CENPP: variants seen among roughly 807,000 people sequenced by gnomAD.
CENPP encodes centromere protein P.
In CENPP, 24 loss-of-function variants were observed where a neutral mutation model predicts 35.6. That is an observed-to-expected ratio of 0.67 (90% CI 0.49 to 0.95). CENPP has a LOEUF of 0.95. CENPP is among the 40% of genes least tolerant of loss of function. The pLI is 0.00. For synonymous variants in CENPP, 120 were observed against 125.5 expected (o/e 0.96, Z 0.29); for missense variants, 332 against 345.3 (o/e 0.96, Z 0.31).
At chr9:92,588,330 G>C (rs1332147219) in intron 5 of CENPP, among the ~76,000 whole-genome samples, 1 of 151,504 alleles carries the variant, frequency 6.6e-6, no homozygotes, top group Admixed American at 6.6e-5. Flanking sequence ...CTCACTGCAA[G>C]CTCTGTCTCC....
intron 5 of CENPP, among the ~76,000 whole-genome samples, chr9:92,430,425 CTCTT>C (rs1588125027): frequency 6.7e-6 from 1 of 150,258 alleles, no homozygotes; most frequent in South Asian, 2.1e-4. Context: ...TCTCTTCTCT[CTCTT>C]TTTTTTTTTT....
chr9:92,420,354 A>T lies in CENPP; in HGVS notation c.564+40495A>T, dbSNP rs377137170. Among the ~76,000 whole-genome samples the T allele has an allele frequency of 1.2e-4, 18 of 152,284 alleles. No individual in the cohort carries two copies. In the East Asian group the frequency reaches 1.9e-3, roughly 16 times the overall value. The stretch of plus-strand genomic sequence containing the variant: ...TTGATCACTATCGTTGCTCTTTTGC[A>T]CATGCCCTAAACTTTCTGGCTCCTT... On this transcript the variant is annotated intron_variant, in intron 5 of 7. Transcript: ENST00000375587.
chr9:92,420,895 G>T (rs1843772071), intron 5 of CENPP, among the ~76,000 whole-genome samples: 1 of 152,078 alleles, frequency 6.6e-6, no homozygotes, highest in Non-Finnish European at 1.5e-5. Flanking sequence ...GAGTGTTGAG[G>T]TTCTCATAGA....
intron 5 of CENPP, among the ~76,000 whole-genome samples, chr9:92,485,066 C>A (rs890791597): frequency 3.3e-5 from 5 of 152,190 alleles, no homozygotes; most frequent in African/African-American, 1.2e-4. Flanking sequence ...CATCTTGGGG[C>A]TGTGACATGG....
At chr9:92,354,130 A>G (rs1841532352) in intron 4 of CENPP, among the ~76,000 whole-genome samples, 1 of 152,186 alleles carries the variant, frequency 6.6e-6, no homozygotes, top group Non-Finnish European at 1.5e-5. Flanking sequence ...GTGATGGTGG[A>G]TAAGGCATTC....
intron 4 of CENPP, among the ~76,000 whole-genome samples, chr9:92,375,188 T>C (rs755982360): frequency 2.6e-5 from 4 of 152,242 alleles, no homozygotes; most frequent in Non-Finnish European, 5.9e-5. Context: ...GTTAGTACTT[T>C]TTTGGGTGTC....
chr9:92,555,294 C>T (rs1031353950), intron 5 of CENPP, among the ~76,000 whole-genome samples: 1 of 126,688 alleles, frequency 7.9e-6, no homozygotes, highest in Admixed American at 1.1e-4. Flanking sequence ...ATGGCGTGAT[C>T]TCAGCTCACC....
chr9:92,522,839 A>AAAAAC, intron 5 of CENPP: 1 of 1,608,472 alleles, frequency 6.2e-7, no homozygotes, highest in Non-Finnish European at 8.5e-7. Flanking sequence ...ATAAGCAGAA[A>AAAAAC]AAAACAAAAC....
intron 4 of CENPP, among the ~76,000 whole-genome samples, chr9:92,351,933 C>A (rs1841457339): frequency 6.6e-6 from 1 of 150,878 alleles, no homozygotes; most frequent in Non-Finnish European, 1.5e-5. Flanking sequence ...CCAGTATTTG[C>A]CTTTTTTGAC....
At chr9:92,610,528 A>G (rs1186748606) in intron 5 of CENPP, 1 of 152,250 alleles carries the variant, frequency 6.6e-6, no homozygotes, top group Non-Finnish European at 1.5e-5. Context: ...TGTAACAGAA[A>G]CAGCAGACGT....
At chr9:92,537,827 T>C (rs1849224420) in intron 5 of CENPP, among the ~76,000 whole-genome samples, 1 of 152,226 alleles carries the variant, frequency 6.6e-6, no homozygotes, top group African/African-American at 2.4e-5. Flanking sequence ...GGTTATTTTT[T>C]CACTACCATA....
chr9:92,345,912 T>C (rs1841281722), intron 4 of CENPP, 125 bp downstream of exon 4: 2 of 596,874 alleles, frequency 3.4e-6, no homozygotes, highest in Non-Finnish European at 5.9e-6. Context: ...AACACCACTG[T>C]TGTGCTTATA....
At chr9:92,563,012 G>C (rs1849884758) in intron 5 of CENPP, among the ~76,000 whole-genome samples, 1 of 152,198 alleles carries the variant, frequency 6.6e-6, no homozygotes, top group East Asian at 1.9e-4. Context: ...AATATTAGCT[G>C]TTTTTATTGT....
chr9:92,444,904 G>T (rs1007326436), intron 5 of CENPP, among the ~76,000 whole-genome samples: 2 of 152,126 alleles, frequency 1.3e-5, no homozygotes, highest in Non-Finnish European at 1.5e-5. Flanking sequence ...CTGCAAGCAG[G>T]TGTGGCCAGG....
rs564713663 is a variant in CENPP at position 92,430,190 on chromosome 9, T to C, written c.564+50331T>C. On this transcript the variant is annotated intron_variant, in intron 5 of 7. Coordinates refer to ENST00000375587, the MANE Select transcript of CENPP (RefSeq NM_001012267.3). ...CTTTTTTCTCTTACTATGGATCTGG[T>C]TGAAAATCTTTTATATTTTACAGCC... Among the ~76,000 whole-genome samples the C allele has an allele frequency of 3.9e-4, 60 of 152,320 alleles. No homozygotes were observed. The South Asian group carries it at 0.012, about 30-fold the overall frequency.
intron 5 of CENPP, chr9:92,401,215 G>T: frequency 1.1e-6 from 1 of 939,970 alleles, no homozygotes; most frequent in South Asian, 1.4e-5. Flanking sequence ...TTGTTACCTA[G>T]CTTCATTAAG....
At chr9:92,423,298 ATAT>A (rs1212507166) in intron 5 of CENPP, among the ~76,000 whole-genome samples, 1 of 152,180 alleles carries the variant, frequency 6.6e-6, no homozygotes, top group African/African-American at 2.4e-5. Context: ...TGAATTTTTC[ATAT>A]TATAGCAATA....
At chr9:92,535,398 T>C (rs570617015) in intron 5 of CENPP, among the ~76,000 whole-genome samples, 1 of 152,306 alleles carries the variant, frequency 6.6e-6, no homozygotes, top group African/African-American at 2.4e-5. Context: ...AATCATAGTA[T>C]CATTTTTATC....
intron 1 of CENPP, among the ~76,000 whole-genome samples, chr9:92,328,541 G>A (rs1258907158): frequency 6.6e-6 from 1 of 152,132 alleles, no homozygotes; most frequent in Non-Finnish European, 1.5e-5. Flanking sequence ...GACTAATTGA[G>A]TTAATATATG....
Sources: allele counts gnomAD v4.1 joint callset (sites outside exome capture counted in the v4.1 genomes callset), GRCh38; gene constraint gnomAD v4.1.1; transcripts MANE v1.5; gene names NCBI Gene and HGNC (gene_info 2026-07-23, HGNC 2026-07-21).